The following RPS6KC1 variants were observed in gnomAD, a reference collection of about 807,000 sequenced individuals.
RPS6KC1 encodes the protein inactive ribosomal protein S6 kinase delta-1.
In RPS6KC1, 54 loss-of-function variants were observed where a neutral mutation model predicts 103.8. That is an observed-to-expected ratio of 0.52 (90% CI 0.42 to 0.65). The LOEUF (loss-of-function observed/expected upper bound fraction) is 0.65, where lower values mean the gene tolerates loss of function less well. Among genes scored for constraint, RPS6KC1 ranks in the 30% least tolerant of loss-of-function variants. The pLI, the probability that RPS6KC1 is intolerant of heterozygous loss-of-function variation, is 0.00. For missense variants in RPS6KC1, 1,151 were observed against 1,253.8 expected (o/e 0.92, Z 1.24); for synonymous variants, 439 against 438.7 (o/e 1.00, Z -0.01).
At chr1:213,824,375 T>A in the RPS6KC1 span, among the ~76,000 whole-genome samples, 3 of 152,182 alleles carry the variant, frequency 2.0e-5, no homozygotes, top group Admixed American at 6.5e-5. Context: ...CTTGTTAGCT[T>A]AGCTCCATCT....
the RPS6KC1 span, among the ~76,000 whole-genome samples, chr1:213,480,234 G>A: frequency 2.6e-5 from 4 of 151,924 alleles, no homozygotes; most frequent in East Asian, 1.9e-4. Flanking sequence ...CTCCATGATC[G>A]TGGTCATGAT....
chr1:213,550,401 T>C, the RPS6KC1 span, among the ~76,000 whole-genome samples: 1 of 152,344 alleles, frequency 6.6e-6, no homozygotes, highest in South Asian at 2.1e-4. Flanking sequence ...AGGTCCTCTT[T>C]TTTTAAAGAA....
At chr1:213,298,314 A>G in the RPS6KC1 span, among the ~76,000 whole-genome samples, 1 of 152,164 alleles carries the variant, frequency 6.6e-6, no homozygotes, top group Non-Finnish European at 1.5e-5. Flanking sequence ...AACTATAACT[A>G]TTTTCCTCAG....
chr1:213,301,974 G>A, the RPS6KC1 span, among the ~76,000 whole-genome samples: 1 of 152,062 alleles, frequency 6.6e-6, no homozygotes, highest in Non-Finnish European at 1.5e-5. Context: ...GGCCTCAAGT[G>A]ATCTGCCTGC....
At chr1:213,851,875 G>A in the RPS6KC1 span, among the ~76,000 whole-genome samples, 1 of 152,114 alleles carries the variant, frequency 6.6e-6, no homozygotes, top group Non-Finnish European at 1.5e-5. Flanking sequence ...CATTCAGCCT[G>A]TCTTCGCTCC....
At chr1:213,505,363 A>G in the RPS6KC1 span, among the ~76,000 whole-genome samples, 1 of 152,170 alleles carries the variant, frequency 6.6e-6, no homozygotes, top group Non-Finnish European at 1.5e-5. Flanking sequence ...CATAGGACAC[A>G]CAACCTCTCT....
the RPS6KC1 span, among the ~76,000 whole-genome samples, chr1:213,351,950 G>A: frequency 5.3e-5 from 8 of 151,798 alleles, no homozygotes; most frequent in African/African-American, 1.9e-4. Flanking sequence ...GGCTGGAGGT[G>A]GTGGGAGGAC....
the RPS6KC1 span, among the ~76,000 whole-genome samples, chr1:213,727,086 C>T: frequency 1.3e-5 from 2 of 152,210 alleles, no homozygotes; most frequent in Non-Finnish European, 2.9e-5. Context: ...ATCACTTCTA[C>T]CCACAGCACA....
intron 3 of RPS6KC1, among the ~76,000 whole-genome samples, chr1:213,088,922 T>G (rs1299494115): frequency 6.6e-6 from 1 of 152,222 alleles, no homozygotes; most frequent in East Asian, 1.9e-4. Context: ...TACTTGAGAT[T>G]TGGGGACAAG....
chr1:213,456,442 G>T, the RPS6KC1 span, among the ~76,000 whole-genome samples: 45 of 152,260 alleles, frequency 3.0e-4, no homozygotes, highest in Admixed American at 5.2e-4. Context: ...GGATGTTTTT[G>T]ATTCTGATGT....
At chr1:213,320,329 A>G in the RPS6KC1 span, among the ~76,000 whole-genome samples, 48 of 152,360 alleles carry the variant, frequency 3.2e-4, no homozygotes, top group South Asian at 2.3e-3. Flanking sequence ...ATTGAATGCA[A>G]ATTGCACCCA....
chr1:213,589,719 C>T, the RPS6KC1 span, among the ~76,000 whole-genome samples: 1 of 151,692 alleles, frequency 6.6e-6, no homozygotes. Flanking sequence ...GCCCTCAGAT[C>T]ATCATGTTTC....
chr1:213,385,413 G>T, the RPS6KC1 span, among the ~76,000 whole-genome samples: 1 of 152,198 alleles, frequency 6.6e-6, no homozygotes, highest in Non-Finnish European at 1.5e-5. Flanking sequence ...GCCAGGATTT[G>T]AACCAAGGTG....
chr1:213,581,654 G>A, the RPS6KC1 span, among the ~76,000 whole-genome samples: 1 of 152,064 alleles, frequency 6.6e-6, no homozygotes, highest in African/African-American at 2.4e-5. Context: ...CTAGAAAAGA[G>A]TGCAAGTGGG....
intron 4 of RPS6KC1, among the ~76,000 whole-genome samples, chr1:213,108,482 G>A (rs1218653448): frequency 1.3e-5 from 2 of 152,108 alleles, no homozygotes; most frequent in South Asian, 2.1e-4. Context: ...CTTGATTACT[G>A]TAGCTTTTTA....
At chr1:213,285,196 T>G in the RPS6KC1 span, among the ~76,000 whole-genome samples, 1 of 152,198 alleles carries the variant, frequency 6.6e-6, no homozygotes, top group Non-Finnish European at 1.5e-5. Flanking sequence ...GCCGGCTTGC[T>G]GTGTCCTCAC....
At chr1:213,501,952 A>G in the RPS6KC1 span, among the ~76,000 whole-genome samples, 1 of 152,150 alleles carries the variant, frequency 6.6e-6, no homozygotes, top group Middle Eastern at 3.2e-3. Context: ...GACTCCCTCC[A>G]TCCTTCCATT....
rs2094363204 is a variant in RPS6KC1, at chr1:213,241,900, A to G, written c.2424A>G (p.Ala808=). The G allele has an allele frequency of 1.2e-6, 2 of 1,613,920 alleles. No homozygotes were observed. The highest frequency in any genetic ancestry group is 2.2e-5 in the South Asian group (2 of 91,082). The change falls in exon 11 of 15, where the codon GCA becomes GCG. Residue 808 remains alanine, a synonymous_variant. Transcript: ENST00000366960. ...KFQGLGVVES[A]VTANNTEESL... is the part of the protein sequence containing the mutation. ...AAGGACTTGGAGTGGTTGAGTCAGC[A>G]GTAACTGCAAACAACACAGAAGAAA...
the RPS6KC1 span, among the ~76,000 whole-genome samples, chr1:213,762,610 A>G: frequency 3.9e-4 from 60 of 152,364 alleles, no homozygotes; most frequent in African/African-American, 1.3e-3. Context: ...TGTGGTGCAG[A>G]TGGTCACTCT....
Sources: gnomAD v4.1 joint callset for allele counts (sites outside exome capture counted in the v4.1 genomes callset) on GRCh38, gnomAD v4.1.1 for gene constraint, MANE v1.5 for transcripts, NCBI Gene and HGNC (gene_info 2026-07-23, HGNC 2026-07-21) for gene names.